Variants in NCK2 observed in about 807,000 individuals in gnomAD.
NCK2 encodes the protein NCK adaptor protein 2, also known as cytoplasmic protein NCK2.
Under a neutral mutation model 33.9 loss-of-function variants are expected in NCK2, and 16 were observed. The observed-to-expected ratio is 0.47, with a 90% CI of 0.32 to 0.72. The LOEUF (loss-of-function observed/expected upper bound fraction) is 0.72. Among genes scored for constraint, NCK2 ranks in the 30% least tolerant of loss-of-function variants. The pLI is 0.03. For missense variants in NCK2, 418 were observed against 537.3 expected (o/e 0.78, Z 2.19); for synonymous variants, 273 against 239.9 (o/e 1.14, Z -1.27).
intron 3 of NCK2, among the ~76,000 whole-genome samples, chr2:105,860,502 T>C (rs1677478140): frequency 6.6e-6 from 1 of 152,042 alleles, no homozygotes; most frequent in African/African-American, 2.4e-5. Context: ...AGGAGGGGCA[T>C]CGCATTGCTG....
chr2:105,873,652 G>A (rs561688070), intron 3 of NCK2, among the ~76,000 whole-genome samples: 4 of 151,946 alleles, frequency 2.6e-5, no homozygotes, highest in African/African-American at 9.7e-5. Context: ...CTGGGGGAAG[G>A]GTGGTTTTAT....
chr2:105,871,940 G>A (rs765004749), intron 3 of NCK2, among the ~76,000 whole-genome samples: 1 of 152,194 alleles, frequency 6.6e-6, no homozygotes, highest in Non-Finnish European at 1.5e-5. Flanking sequence ...TTTTGGAGAT[G>A]GGCTGAGATT....
At chr2:105,887,057 A>C (rs565210149) in intron 4 of NCK2, among the ~76,000 whole-genome samples, 1 of 152,364 alleles carries the variant, frequency 6.6e-6, no homozygotes, top group South Asian at 2.1e-4. Context: ...GGAAGAGATA[A>C]TCTGATGTAA....
At chr2:105,836,137 T>TTTTTTTTTTTTTTTTTTTG (rs1676426294) in intron 2 of NCK2, among the ~76,000 whole-genome samples, 1 of 145,094 alleles carries the variant, frequency 6.9e-6, no homozygotes, top group African/African-American at 2.7e-5. Context: ...GTTCTGTTAT[T>TTTTTTTTTTTTTTTTTTTG]AGAGAATTAC....
At chr2:105,820,920 G>T (rs1331594987) in intron 2 of NCK2, among the ~76,000 whole-genome samples, 1 of 152,188 alleles carries the variant, frequency 6.6e-6, no homozygotes. Flanking sequence ...GAGTCAGTTG[G>T]TGATGTGCAT....
intron 2 of NCK2, among the ~76,000 whole-genome samples, chr2:105,836,937 T>C (rs781039313): frequency 2.0e-5 from 3 of 152,168 alleles, no homozygotes; most frequent in Non-Finnish European, 2.9e-5. Flanking sequence ...GGTACCTCCC[T>C]TTATGGGGCT....
intron 1 of NCK2, among the ~76,000 whole-genome samples, chr2:105,776,909 G>T (rs1367092848): frequency 6.6e-6 from 1 of 151,406 alleles, no homozygotes; most frequent in Non-Finnish European, 1.5e-5. Flanking sequence ...GCCTCTCTCA[G>T]TAAATGGAAA....
chr2:105,761,173 G>A (rs1456921107), intron 1 of NCK2, among the ~76,000 whole-genome samples: 1 of 152,216 alleles, frequency 6.6e-6, no homozygotes, highest in African/African-American at 2.4e-5. Context: ...GGGCAGCAGG[G>A]TTGTGCCCTA....
At chr2:105,808,555 AC>A (rs1415721512) in intron 1 of NCK2, among the ~76,000 whole-genome samples, 3 of 152,194 alleles carry the variant, frequency 2.0e-5, no homozygotes, top group Non-Finnish European at 4.4e-5. Context: ...CCCAGGAGTA[AC>A]CACCAGTTTA....
intron 3 of NCK2, among the ~76,000 whole-genome samples, chr2:105,873,663 T>A (rs1053695874): frequency 6.6e-6 from 1 of 151,674 alleles, no homozygotes; most frequent in South Asian, 2.1e-4. Flanking sequence ...GTGGTTTTAT[T>A]TTTTGGGGGC....
chr2:105,765,872 A>G (rs1558826684), intron 1 of NCK2, among the ~76,000 whole-genome samples: 1 of 151,784 alleles, frequency 6.6e-6, no homozygotes. Context: ...CTTTCATTAT[A>G]TAAAAAATTA....
At chr2:105,886,987 T>C (rs1678746216) in intron 4 of NCK2, among the ~76,000 whole-genome samples, 1 of 152,204 alleles carries the variant, frequency 6.6e-6, no homozygotes, top group Non-Finnish European at 1.5e-5. Flanking sequence ...AAATATTTTA[T>C]AGAGTGAACA....
intron 1 of NCK2, among the ~76,000 whole-genome samples, chr2:105,808,641 ACCC>A (rs1675175801): frequency 1.3e-5 from 2 of 152,328 alleles, no homozygotes; most frequent in South Asian, 4.1e-4. Flanking sequence ...AGGGTGGATC[ACCC>A]AGCGTCTTCA....
chr2:105,809,552 G>A (rs976449324), intron 1 of NCK2, among the ~76,000 whole-genome samples: 17 of 152,258 alleles, frequency 1.1e-4, no homozygotes, highest in African/African-American at 4.1e-4. Context: ...TAGGGTCCCT[G>A]ATTCATTTTA....
chr2:105,840,163 G>A (rs1271467110), intron 2 of NCK2, among the ~76,000 whole-genome samples: 1 of 152,064 alleles, frequency 6.6e-6, no homozygotes, highest in Non-Finnish European at 1.5e-5. Flanking sequence ...TCACAATATG[G>A]AGGAGAATTT....
chr2:105,796,653 G>A (rs953582709), intron 1 of NCK2, among the ~76,000 whole-genome samples: 9 of 152,158 alleles, frequency 5.9e-5, no homozygotes, highest in East Asian at 3.9e-4. Context: ...AGAGTATCCC[G>A]TAGTTTAGTG....
At chr2:105,771,288 C>G (rs1370798226) in intron 1 of NCK2, among the ~76,000 whole-genome samples, 1 of 151,808 alleles carries the variant, frequency 6.6e-6, no homozygotes, top group African/African-American at 2.4e-5. Flanking sequence ...AACATGAGGG[C>G]TGGCGGGGTG....
At chr2:105,791,047 G>A (rs1690864358) in intron 1 of NCK2, among the ~76,000 whole-genome samples, 1 of 152,146 alleles carries the variant, frequency 6.6e-6, no homozygotes. Context: ...GGAAACTTTG[G>A]GGCTCTGGAA....
chr2:105,823,715 A>G (rs573207440), intron 2 of NCK2, among the ~76,000 whole-genome samples: 2 of 152,006 alleles, frequency 1.3e-5, no homozygotes, highest in Non-Finnish European at 2.9e-5. Context: ...GTCCGTGGCC[A>G]TGGAGGCAGG....
Sources: gnomAD v4.1 joint callset for allele counts (sites outside exome capture counted in the v4.1 genomes callset) on GRCh38, gnomAD v4.1.1 for gene constraint, MANE v1.5 for transcripts, NCBI Gene and HGNC (gene_info 2026-07-23, HGNC 2026-07-21) for gene names.